The following ARHGAP26 variants were observed in gnomAD, a reference collection of about 807,000 sequenced individuals.
ARHGAP26 encodes rho GTPase-activating protein 26.
ARHGAP26 carries 38 observed loss-of-function variants against 104.8 expected under a neutral mutation model. The ratio of observed to expected loss-of-function variants is 0.36; its 90% CI spans 0.28 to 0.48. ARHGAP26 has a LOEUF of 0.48. Ranked by LOEUF, ARHGAP26 falls within the 20% of genes least tolerant of loss-of-function variation. The pLI, the probability that ARHGAP26 is intolerant of heterozygous loss-of-function variation, is 0.99. For synonymous variants in ARHGAP26, 341 were observed against 340.0 expected (o/e 1.00, Z -0.03); for missense variants, 704 against 947.9 (o/e 0.74, Z 3.38).
intron 11 of ARHGAP26, among the ~76,000 whole-genome samples, chr5:142,936,958 A>T (rs1348958405): frequency 6.6e-6 from 1 of 152,204 alleles, no homozygotes; most frequent in East Asian, 1.9e-4. Flanking sequence ...CTAGATGAAG[A>T]GTTTTTAGAT....
chr5:142,802,694 T>G (rs1365459179), intron 1 of ARHGAP26, among the ~76,000 whole-genome samples: 1 of 152,112 alleles, frequency 6.6e-6, no homozygotes, highest in Non-Finnish European at 1.5e-5. Context: ...TTTTTTTTTT[T>G]AACAGCTGTA....
At chr5:143,182,186 C>G (rs914125303) in intron 20 of ARHGAP26, among the ~76,000 whole-genome samples, 4 of 152,186 alleles carry the variant, frequency 2.6e-5, no homozygotes, top group African/African-American at 9.7e-5. Context: ...GTTGACAACT[C>G]TTACTACTCT....
intron 17 of ARHGAP26, 109 bp from the exon 18 acceptor site, chr5:143,120,879 C>T (rs1235544934): frequency 3.6e-6 from 4 of 1,107,616 alleles, no homozygotes; most frequent in Non-Finnish European, 1.2e-6. Flanking sequence ...AGTTCTGGCT[C>T]CTACAGATGA....
At chr5:143,173,702 C>T (rs945669552) in intron 20 of ARHGAP26, among the ~76,000 whole-genome samples, 3 of 152,170 alleles carry the variant, frequency 2.0e-5, no homozygotes, top group African/African-American at 7.2e-5. Context: ...ACTTCCCCAC[C>T]TCACCATTTG....
chr5:142,781,962 G>A (rs1757600272), intron 1 of ARHGAP26, among the ~76,000 whole-genome samples: 1 of 152,278 alleles, frequency 6.6e-6, no homozygotes, highest in African/African-American at 2.4e-5. Flanking sequence ...TGATCTGCCC[G>A]CCTTGGCCTC....
intron 1 of ARHGAP26, among the ~76,000 whole-genome samples, chr5:142,846,923 G>A (rs1772079776): frequency 2.6e-5 from 4 of 152,208 alleles, no homozygotes; most frequent in African/African-American, 7.2e-5. Flanking sequence ...GGTGTGCTAA[G>A]GACTTTTCAC....
intron 14 of ARHGAP26, among the ~76,000 whole-genome samples, chr5:143,053,415 G>A (rs1468447566): frequency 2.0e-5 from 3 of 152,090 alleles, no homozygotes; most frequent in African/African-American, 7.2e-5. Flanking sequence ...TGAGGGAGCT[G>A]GATTCTCCCT....
intron 11 of ARHGAP26, among the ~76,000 whole-genome samples, chr5:142,940,869 G>C (rs1412882935): frequency 1.3e-5 from 2 of 151,952 alleles, no homozygotes; most frequent in African/African-American, 4.8e-5. Context: ...GAGGTCAGGA[G>C]ATCGAGACCA....
chr5:142,910,901 G>A (rs1043746745), intron 9 of ARHGAP26, among the ~76,000 whole-genome samples: 4 of 152,204 alleles, frequency 2.6e-5, no homozygotes, highest in Non-Finnish European at 5.9e-5. Context: ...GGAGCTAGAG[G>A]TAGATAGAAC....
chr5:143,120,843 C>G, intron 17 of ARHGAP26, 145 bp from the exon 18 acceptor site: 1 of 655,056 alleles, frequency 1.5e-6, no homozygotes, highest in Non-Finnish European at 2.4e-6. Flanking sequence ...GATTTTCTGA[C>G]TCCTGTGGCA....
At chr5:143,101,326 C>G (rs1398747116) in intron 17 of ARHGAP26, among the ~76,000 whole-genome samples, 4 of 152,124 alleles carry the variant, frequency 2.6e-5, no homozygotes, top group Admixed American at 6.6e-5. Flanking sequence ...TTTTTTGTTT[C>G]ACTTTCAGTG....
chr5:142,806,902 C>G (rs1763097020), intron 1 of ARHGAP26, among the ~76,000 whole-genome samples: 2 of 152,176 alleles, frequency 1.3e-5, no homozygotes, highest in African/African-American at 4.8e-5. Context: ...GGATATTCTG[C>G]TGAGGTTGGA....
chr5:143,033,621 T>C (rs1782198428), intron 12 of ARHGAP26, among the ~76,000 whole-genome samples: 1 of 152,222 alleles, frequency 6.6e-6, no homozygotes, highest in Non-Finnish European at 1.5e-5. Flanking sequence ...TCAAAACTTT[T>C]ATCGATGTTC....
intron 12 of ARHGAP26, among the ~76,000 whole-genome samples, chr5:143,016,018 G>A (rs1779533904): frequency 1.3e-5 from 2 of 152,170 alleles, no homozygotes; most frequent in South Asian, 4.1e-4. Flanking sequence ...AAATTTGTTG[G>A]GGCGTTGGTG....
chr5:143,165,601 T>A (rs1189869425), intron 20 of ARHGAP26, among the ~76,000 whole-genome samples: 4 of 152,178 alleles, frequency 2.6e-5, no homozygotes, highest in African/African-American at 9.7e-5. Context: ...AGTACATGTG[T>A]AGGTTTGTTA....
chr5:143,215,860 A>G (rs1171328746), intron 22 of ARHGAP26, among the ~76,000 whole-genome samples: 2 of 152,238 alleles, frequency 1.3e-5, no homozygotes, highest in Non-Finnish European at 2.9e-5. Context: ...CTTATTCATC[A>G]GTAGATGGGC....
intron 1 of ARHGAP26, among the ~76,000 whole-genome samples, chr5:142,808,611 C>G (rs1017591993): frequency 1.3e-5 from 2 of 152,102 alleles, no homozygotes; most frequent in Non-Finnish European, 1.5e-5. Flanking sequence ...GCTAGCCCAG[C>G]TGCTTTCCTT....
intron 22 of ARHGAP26, among the ~76,000 whole-genome samples, chr5:143,214,496 C>G (rs1173622872): frequency 6.6e-6 from 1 of 152,196 alleles, no homozygotes; most frequent in Non-Finnish European, 1.5e-5. Flanking sequence ...TTGTATCCAT[C>G]TTCGAAAAAG....
intron 1 of ARHGAP26, among the ~76,000 whole-genome samples, chr5:142,814,265 G>A (rs1393608847): frequency 2.0e-5 from 3 of 152,224 alleles, no homozygotes; most frequent in African/African-American, 4.8e-5. Context: ...GAGCCTTCCG[G>A]TAATCTGCAA....
Sources: gnomAD v4.1 joint callset for allele counts (sites outside exome capture counted in the v4.1 genomes callset) on GRCh38, gnomAD v4.1.1 for gene constraint, MANE v1.5 for transcripts, NCBI Gene and HGNC (gene_info 2026-07-23, HGNC 2026-07-21) for gene names.